ADGB: variants seen among roughly 807,000 people sequenced by gnomAD.
The protein encoded by ADGB is calpain-7-like protein.
ADGB carries 172 observed loss-of-function variants against 210.5 expected under a neutral mutation model. The observed-to-expected ratio is 0.82, with a 90% CI of 0.72 to 0.93. ADGB has a LOEUF of 0.93. Ranked by LOEUF, ADGB falls within the 40% of genes least tolerant of loss-of-function variation. The pLI is 0.00. For synonymous variants in ADGB, 658 were observed against 662.7 expected (o/e 0.99, Z 0.11); for missense variants, 2,025 against 1,964.8 (o/e 1.03, Z -0.58).
rs1188628013 is a variant in ADGB at position 146,692,838 on chromosome 6, G to A, written c.1500G>A (p.Lys500=). 4 of 1,526,636 alleles carry A rather than the reference G, an allele frequency of 2.6e-6. No individual in the cohort carries two copies. The Admixed American group carries it at 6.4e-5, about 24-fold the overall frequency. The allele number at this position is 1,526,636 out of a possible 1,614,324, so 94.6% of individuals were successfully genotyped here. The change falls in exon 12 of 36, where the codon AAG becomes AAA. Residue 500 remains lysine (K), a synonymous_variant. Coordinates refer to ENST00000397944, the MANE Select transcript of ADGB (RefSeq NM_024694.4). The part of the protein sequence containing the change: ...ITDEAQELIV[K]KPERFLEISS... ...GCTACTTTTTAGAGTTAATAGTAAA[G>A]AAGCCTGAACGGTTCCTTGAGATTT...
At chr6:146,650,000 C>T (rs1439436893) in intron 3 of ADGB, among the ~76,000 whole-genome samples, 2 of 152,018 alleles carry the variant, frequency 1.3e-5, no homozygotes, top group East Asian at 3.9e-4. Flanking sequence ...CACAAAGATC[C>T]AATAGTTTTT....
At chr6:146,664,491 G>T in intron 6 of ADGB, 151 bp downstream of exon 6, 1 of 724,428 alleles carries the variant, frequency 1.4e-6, no homozygotes, top group Non-Finnish European at 2.0e-6. Flanking sequence ...AATCAAATAC[G>T]CCAAAACCAC....
chr6:146,688,678 C>T (rs993778465), intron 10 of ADGB, among the ~76,000 whole-genome samples: 1 of 152,084 alleles, frequency 6.6e-6, no homozygotes, highest in African/African-American at 2.4e-5. Context: ...AATGAACTGA[C>T]TAGTGTGTCA....
intron 16 of ADGB, among the ~76,000 whole-genome samples, chr6:146,718,016 C>T (rs1776759232): frequency 3.3e-5 from 5 of 152,080 alleles, no homozygotes; most frequent in Admixed American, 3.3e-4. Flanking sequence ...AGTTTCTGTC[C>T]TTTCATCCCT....
At chr6:146,623,268 TG>T (rs1780922516) in intron 1 of ADGB, among the ~76,000 whole-genome samples, 1 of 151,970 alleles carries the variant, frequency 6.6e-6, no homozygotes, top group Non-Finnish European at 1.5e-5. Flanking sequence ...TTGGTCAATT[TG>T]GGGTGAATTG....
chr6:146,774,789 T>C (rs1292698625), intron 29 of ADGB, among the ~76,000 whole-genome samples: 4 of 152,302 alleles, frequency 2.6e-5, no homozygotes, highest in African/African-American at 4.8e-5. Context: ...AAATTACATA[T>C]ATAGAAAAAT....
chr6:146,743,432 A>G (rs1777186125), intron 25 of ADGB, among the ~76,000 whole-genome samples: 1 of 152,212 alleles, frequency 6.6e-6, no homozygotes, highest in African/African-American at 2.4e-5. Context: ...CATTGTAGAC[A>G]TCCCTCTCTA....
At chr6:146,714,925 G>A (rs926691100) in intron 13 of ADGB, among the ~76,000 whole-genome samples, 20 of 152,230 alleles carry the variant, frequency 1.3e-4, no homozygotes, top group African/African-American at 4.3e-4. Flanking sequence ...TAAAACAAAA[G>A]TTATACACAT....
At chr6:146,761,428 G>T (rs960532602) in intron 27 of ADGB, among the ~76,000 whole-genome samples, 2 of 151,956 alleles carry the variant, frequency 1.3e-5, no homozygotes, top group Non-Finnish European at 2.9e-5. Context: ...TTTGGACTCT[G>T]GATCAGTTGA....
intron 29 of ADGB, among the ~76,000 whole-genome samples, chr6:146,778,733 C>A (rs1777756418): frequency 6.6e-6 from 1 of 152,140 alleles, no homozygotes; most frequent in African/African-American, 2.4e-5. Context: ...GTGACAAGGT[C>A]TCCAGGCTAG....
chr6:146,678,011 A>G (rs2114908773), intron 9 of ADGB, among the ~76,000 whole-genome samples: 1 of 152,314 alleles, frequency 6.6e-6, no homozygotes, highest in East Asian at 1.9e-4. Flanking sequence ...GGAGTCCTTT[A>G]TCTGGCATAA....
In ADGB at chr6:146,782,195, G is replaced by T; in HGVS notation, c.4035+3G>T. 1 of 1,516,396 alleles carries T rather than the reference G, an allele frequency of 6.6e-7. No individual in the cohort carries two copies. Among genetic ancestry groups the T allele is most frequent in the East Asian group, 2.5e-5 (1 of 40,320 alleles). 93.9% of individuals were successfully genotyped at this position (1,516,396 alleles called of 1,614,324 possible). On this transcript the variant is annotated splice_donor_region_variant and intron_variant, in intron 30 of 35. Coordinates refer to ENST00000397944, the MANE Select transcript of ADGB (RefSeq NM_024694.4). ...AAGCACCTCGCTTTGAGCCTCAGGT[G>T]GGTGTGGAATTTTTTTTATTTGAGT...
At chr6:146,611,417 G>A (rs891009229) in intron 1 of ADGB, among the ~76,000 whole-genome samples, 1 of 152,016 alleles carries the variant, frequency 6.6e-6, no homozygotes, top group African/African-American at 2.4e-5. Flanking sequence ...AATTTTCTGC[G>A]CTCCTGACAG....
chr6:146,776,453 TA>T (rs888030676), intron 29 of ADGB, among the ~76,000 whole-genome samples: 1 of 152,120 alleles, frequency 6.6e-6, no homozygotes, highest in African/African-American at 2.4e-5. Flanking sequence ...TCAAAGAACT[TA>T]AAATTTATGT....
intron 13 of ADGB, among the ~76,000 whole-genome samples, 160 bp from the exon 14 acceptor site, chr6:146,715,222 A>T (rs1424569146): frequency 6.6e-6 from 1 of 152,244 alleles, no homozygotes; most frequent in Non-Finnish European, 1.5e-5. Context: ...TTTGACATTT[A>T]AAGTTAAAAA....
intron 1 of ADGB, among the ~76,000 whole-genome samples, chr6:146,626,535 G>C (rs1321326108): frequency 6.6e-6 from 1 of 151,920 alleles, no homozygotes; most frequent in South Asian, 2.1e-4. Flanking sequence ...TTTTCAATAG[G>C]TGTAGACTTT....
At chr6:146,679,470 A>C (rs1776128979) in intron 9 of ADGB, among the ~76,000 whole-genome samples, 1 of 152,190 alleles carries the variant, frequency 6.6e-6, no homozygotes, top group African/African-American at 2.4e-5. Context: ...TATAAACTCC[A>C]CTCATAAAAC....
chr6:146,769,470 T>A (rs259423), intron 29 of ADGB, among the ~76,000 whole-genome samples: 1 of 151,908 alleles, frequency 6.6e-6, no homozygotes, highest in Non-Finnish European at 1.5e-5. Flanking sequence ...GCCCATATTT[T>A]TTGAGAATAT....
chr6:146,732,528 G>A (rs1470802398), intron 20 of ADGB, among the ~76,000 whole-genome samples: 1 of 151,484 alleles, frequency 6.6e-6, no homozygotes, highest in Non-Finnish European at 1.5e-5. Context: ...GATTTAATAT[G>A]TAAGGGGTCT....
Sources: gnomAD v4.1 joint callset for allele counts (sites outside exome capture counted in the v4.1 genomes callset) on GRCh38, gnomAD v4.1.1 for gene constraint, MANE v1.5 for transcripts, NCBI Gene and HGNC (gene_info 2026-07-23, HGNC 2026-07-21) for gene names.